The following SMYD3 variants were observed in gnomAD, a reference collection of about 807,000 sequenced individuals.
The protein encoded by SMYD3 is SET and MYND domain containing 3, also known as histone-lysine N-methyltransferase SMYD3.
Under a neutral mutation model 57.7 loss-of-function variants are expected in SMYD3, and 36 were observed. The observed-to-expected ratio is 0.62, with a 90% CI of 0.48 to 0.82. SMYD3 has a LOEUF of 0.82. Ranked by LOEUF, SMYD3 falls within the 40% of genes least tolerant of loss-of-function variation. The probability of loss-of-function intolerance (pLI) is 0.00; values close to 1 mark genes in which losing one functional copy is unlikely to be tolerated. For missense variants in SMYD3, 515 were observed against 538.8 expected, an observed-to-expected ratio of 0.96 and a Z score of 0.44; for synonymous variants, 211 against 195.0, an observed-to-expected ratio of 1.08 and a Z score of -0.68.
At chr1:246,468,744 G>A (rs2067916332) in intron 1 of SMYD3, among the ~76,000 whole-genome samples, 1 of 152,148 alleles carries the variant, frequency 6.6e-6, no homozygotes, top group Non-Finnish European at 1.5e-5. Context: ...GGGAGGCTGA[G>A]GTGGAAGGGT....
Position 245,826,977 on chromosome 1 carries a change from T to A in SMYD3, c.1076+31519A>T, listed in dbSNP as rs558451703. On this transcript the variant is annotated intron_variant, in intron 10 of 11. Coordinates refer to ENST00000490107, the MANE Select transcript of SMYD3 (RefSeq NM_001167740.2). The stretch of plus-strand genomic sequence containing the variant: ...ATTATAATTCAAGATGAGATTTGGG[T>A]GGGGACACAAAACCTAACCATATCA... 1.1e-3 allele frequency among the ~76,000 whole-genome samples: 163 copies of A among 152,254 alleles called. 1 individual carries two copies. Among genetic ancestry groups the A allele is most frequent in the Middle Eastern group, 0.01 (3 of 294 alleles).
At chr1:246,476,305 A>T (rs541787383) in intron 1 of SMYD3, among the ~76,000 whole-genome samples, 1 of 152,370 alleles carries the variant, frequency 6.6e-6, no homozygotes, top group East Asian at 1.9e-4. Context: ...AAAGTTAGTA[A>T]GTCTCAGATT....
At chr1:245,998,778 G>A (rs1198853027) in intron 5 of SMYD3, among the ~76,000 whole-genome samples, 11 of 152,252 alleles carry the variant, frequency 7.2e-5, no homozygotes, top group Admixed American at 6.5e-4. Flanking sequence ...CAGATGAACA[G>A]AAAAAATGTG....
intron 5 of SMYD3, among the ~76,000 whole-genome samples, chr1:245,944,116 C>T (rs1042676366): frequency 1.3e-5 from 2 of 152,152 alleles, no homozygotes; most frequent in African/African-American, 4.8e-5. Context: ...TCCTATTCAA[C>T]ACAGTATTGG....
chr1:246,440,056 G>A (rs918871841), intron 1 of SMYD3, among the ~76,000 whole-genome samples: 6 of 152,080 alleles, frequency 3.9e-5, no homozygotes, highest in African/African-American at 1.4e-4. Context: ...TGGTAAAATC[G>A]GTTTCGTTAG....
intron 10 of SMYD3, among the ~76,000 whole-genome samples, chr1:245,798,484 CCA>C (rs146927711): frequency 0.51 from 66,951 of 131,590 alleles, 18,708 homozygotes; most frequent in African/African-American, 0.79. Context: ...ACACAACACA[CCA>C]CACACACACA....
chr1:245,888,518 T>C (rs2053207441), intron 8 of SMYD3, among the ~76,000 whole-genome samples: 1 of 152,214 alleles, frequency 6.6e-6, no homozygotes, highest in Non-Finnish European at 1.5e-5. Flanking sequence ...AGAATTATGA[T>C]ACTTGTATTT....
At chr1:246,392,250 G>T (rs6690500) in intron 1 of SMYD3, among the ~76,000 whole-genome samples, 1 of 152,142 alleles carries the variant, frequency 6.6e-6, no homozygotes, top group Admixed American at 6.5e-5. Context: ...GTGAAAATGG[G>T]AGTTGAAGAT....
intron 5 of SMYD3, among the ~76,000 whole-genome samples, chr1:246,262,985 T>C (rs2064038434): frequency 6.6e-6 from 1 of 152,214 alleles, no homozygotes; most frequent in South Asian, 2.1e-4. Flanking sequence ...CAACTTTGTA[T>C]GTAAATAAAT....
intron 5 of SMYD3, among the ~76,000 whole-genome samples, chr1:246,085,395 T>C (rs980331428): frequency 1.3e-5 from 2 of 150,970 alleles, no homozygotes; most frequent in Non-Finnish European, 2.9e-5. Flanking sequence ...GCTGAAGGAT[T>C]TGAGAAAACA....
At chr1:246,063,334 T>C (rs918151541) in intron 5 of SMYD3, among the ~76,000 whole-genome samples, 1 of 152,094 alleles carries the variant, frequency 6.6e-6, no homozygotes, top group Non-Finnish European at 1.5e-5. Context: ...AGGGTCTTTA[T>C]TGGAGTTCAA....
intron 5 of SMYD3, among the ~76,000 whole-genome samples, chr1:246,057,885 G>A (rs1281360177): frequency 6.6e-6 from 1 of 152,190 alleles, no homozygotes; most frequent in Non-Finnish European, 1.5e-5. Flanking sequence ...TAATCAAATT[G>A]TTGCACATCC....
At chr1:246,184,436 C>T (rs1474848320) in intron 5 of SMYD3, among the ~76,000 whole-genome samples, 1 of 152,210 alleles carries the variant, frequency 6.6e-6, no homozygotes, top group Non-Finnish European at 1.5e-5. Context: ...CTGTCTTCAA[C>T]AATGACCAGG....
At chr1:245,779,294 C>T (rs1196153176) in intron 10 of SMYD3, among the ~76,000 whole-genome samples, 1 of 151,340 alleles carries the variant, frequency 6.6e-6, no homozygotes, top group African/African-American at 2.4e-5. Context: ...AAAACAAAGC[C>T]AAAAAGAAAA....
chr1:246,031,380 C>A (rs1338280820), intron 5 of SMYD3, among the ~76,000 whole-genome samples: 1 of 151,912 alleles, frequency 6.6e-6, no homozygotes, highest in Non-Finnish European at 1.5e-5. Flanking sequence ...TATTAACTGG[C>A]AAAATCCATT....
intron 1 of SMYD3, among the ~76,000 whole-genome samples, chr1:246,476,861 A>T (rs2068036252): frequency 6.6e-6 from 1 of 152,234 alleles, no homozygotes; most frequent in Admixed American, 6.5e-5. Flanking sequence ...GTAAAAACAA[A>T]TACATCAAGT....
intron 1 of SMYD3, among the ~76,000 whole-genome samples, chr1:246,377,771 TA>T (rs1285784584): frequency 1.3e-5 from 2 of 152,340 alleles, no homozygotes; most frequent in Non-Finnish European, 1.5e-5. Flanking sequence ...TCCATTTCTT[TA>T]AAGTATGTAT....
At chr1:246,041,156 C>G (rs572817670) in intron 5 of SMYD3, among the ~76,000 whole-genome samples, 3 of 152,302 alleles carry the variant, frequency 2.0e-5, no homozygotes, top group African/African-American at 7.2e-5. Context: ...AGAGACGATA[C>G]TTCACAGCCC....
In SMYD3 at chr1:246,035,831, C is replaced by A. The variant is rs528621809; in HGVS notation, c.532-105894G>T. On this transcript the variant is annotated intron_variant, in intron 5 of 11. Coordinates refer to ENST00000490107, the MANE Select transcript of SMYD3 (RefSeq NM_001167740.2). Reference sequence around the variant, plus strand: ...ATCCAGATTTGTCTTTTATTTTGATCCTCTGATTGTCCAGGTGTTTACTTG... The same window carrying A: ...ATCCAGATTTGTCTTTTATTTTGATACTCTGATTGTCCAGGTGTTTACTTG... Among the ~76,000 whole-genome samples, 21 of 152,246 alleles carry A rather than the reference C, an allele frequency of 1.4e-4. No individual in the cohort carries two copies. The East Asian group carries it at 4.1e-3, about 29-fold the overall frequency.
Sources: gnomAD v4.1 joint callset for allele counts (sites outside exome capture counted in the v4.1 genomes callset) on GRCh38, gnomAD v4.1.1 for gene constraint, MANE v1.5 for transcripts, NCBI Gene and HGNC (gene_info 2026-07-23, HGNC 2026-07-21) for gene names.